Variants in GGT1 observed in about 807,000 individuals in gnomAD.
GGT1 encodes gamma-glutamyltransferase 1.
Under a neutral mutation model 56.0 loss-of-function variants are expected in GGT1, and 21 were observed. The ratio of observed to expected loss-of-function variants is 0.38; its 90% CI spans 0.27 to 0.54. The LOEUF (loss-of-function observed/expected upper bound fraction) is 0.54. Among genes scored for constraint, GGT1 ranks in the 20% least tolerant of loss-of-function variants. The pLI is 0.82. For synonymous variants in GGT1, 238 were observed against 342.6 expected (o/e 0.69, Z 3.37); for missense variants, 466 against 787.0 (o/e 0.59, Z 4.88).
the GGT1 span, chr22:24,589,730 G>A: frequency 7.1e-7 from 1 of 1,409,868 alleles, no homozygotes; most frequent in Non-Finnish European, 9.4e-7. Flanking sequence ...AGCCGCAGAA[G>A]GACCTAGCCT....
At chr22:24,617,938 A>G (rs976389861) in intron 7 of GGT1, among the ~76,000 whole-genome samples, 4 of 152,034 alleles carry the variant, frequency 2.6e-5, no homozygotes, top group African/African-American at 9.7e-5. Context: ...ATGCAGGGGC[A>G]GCTCTCAGGG....
At chr22:24,588,071 C>T in the GGT1 span, 1 of 663,638 alleles carries the variant, frequency 1.5e-6, no homozygotes, top group Non-Finnish European at 2.7e-6. Context: ...GGCTGACTTC[C>T]AGGGTAGGGC....
At position 24,619,960 on chromosome 22, in the gene GGT1, A is replaced by G. The variant is rs1391611665; in HGVS notation, c.383-368A>G. ...TGCCCTCCTCAGACATCCCTGGTCC[A>G]TGTACACTCCTACCTGCTGAGCCCC... On this transcript the variant is annotated intron_variant, in intron 7 of 15. Transcript: ENST00000400382. Among the ~76,000 whole-genome samples the G allele has an allele frequency of 6.0e-5, 9 of 149,914 alleles. No homozygotes were observed. In the Admixed American group the frequency reaches 6.0e-4, roughly 10 times the overall value.
At chr22:24,590,878 G>A (rs1045252482), upstream of GGT1, among the ~76,000 whole-genome samples, 7 of 152,070 alleles carry the variant, frequency 4.6e-5, no homozygotes, top group Non-Finnish European at 7.4e-5. Context: ...GCACTCTTCC[G>A]TCCTCCTCTC....
At position 24,627,937 on chromosome 22, in the gene GGT1, G is replaced by T. The variant is rs373393964; in HGVS notation, c.1294G>T (p.Glu432Ter). The T allele has an allele frequency of 1.2e-6, 2 of 1,613,354 alleles. No individual in the cohort carries two copies. Among genetic ancestry groups the T allele is most frequent in the Non-Finnish European group, 1.7e-6 (2 of 1,179,664 alleles). Residue 432 changes from glutamate to a stop codon, truncating the protein, a stop_gained, in exon 13 of 16, where the codon GAG becomes TAG. Coordinates refer to ENST00000400382, the MANE Select transcript of GGT1 (RefSeq NM_001288833.2). LOFTEE classifies it high-confidence loss of function. ...CTTCAGCTCTCCCAGCATCACCAAC[G>T]AGTTTGGGGTACCCCCCTCACCTGC... is the stretch of plus-strand genomic sequence containing the variant. ...DDFSSPSITN[E>*]FGVPPSPANF...
chr22:24,605,082 A>T (rs1270305609), intron 1 of GGT1, among the ~76,000 whole-genome samples: 2 of 24,122 alleles, frequency 8.3e-5, no homozygotes, highest in Admixed American at 6.3e-4. Flanking sequence ...TAATATATAA[A>T]GTATATTATA....
chr22:24,593,780 C>CT (rs1284973044), upstream of GGT1, among the ~76,000 whole-genome samples: 1 of 148,490 alleles, frequency 6.7e-6, no homozygotes, highest in Non-Finnish European at 1.5e-5. Flanking sequence ...GAGCAAAACT[C>CT]TGTCTCAAAA....
rs375956048 is a variant in GGT1 at position 24,615,110 on chromosome 22, C to T, written c.365C>T (p.Ser122Leu). The T allele has an allele frequency of 4.3e-6, 7 of 1,611,494 alleles. No homozygotes were observed. The highest frequency in any genetic ancestry group is 2.2e-5 in the South Asian group (2 of 90,972). ...RLAFATMFNS[S>L]EQSQKGGLSV... is the part of the protein sequence containing the mutation. ...GCCTTTGCCACCATGTTCAACAGCT[C>T]GGAGCAGTCCCAGAAGGGTAAGCCA... The change falls in exon 7 of 16, where the codon TCG becomes TTG. Residue 122 changes from serine to leucine, a missense_variant. Ser to Leu is a moderately radical substitution (Grantham distance 145). Coordinates refer to ENST00000400382, the MANE Select transcript of GGT1 (RefSeq NM_001288833.2).
the GGT1 span, chr22:24,586,390 C>A: frequency 6.2e-7 from 1 of 1,612,832 alleles, no homozygotes; most frequent in Non-Finnish European, 8.5e-7. Flanking sequence ...CCAGCAGAGT[C>A]TTCTGGAGGC....
chr22:24,622,629 T>A (rs1440494876), intron 9 of GGT1, among the ~76,000 whole-genome samples: 1 of 151,932 alleles, frequency 6.6e-6, no homozygotes, highest in Non-Finnish European at 1.5e-5. Flanking sequence ...TAGTTGTGCC[T>A]TTAGTCTCAG....
At chr22:24,596,192 ATG>A (rs2045689062) in intron 1 of GGT1, among the ~76,000 whole-genome samples, 1 of 152,204 alleles carries the variant, frequency 6.6e-6, no homozygotes, top group South Asian at 2.1e-4. Flanking sequence ...CACTTGTTGG[ATG>A]TGTAACCATA....
At chr22:24,618,177 T>C (rs1011648275) in intron 7 of GGT1, among the ~76,000 whole-genome samples, 3 of 152,208 alleles carry the variant, frequency 2.0e-5, no homozygotes, top group Non-Finnish European at 4.4e-5. Flanking sequence ...GGAGTCTCCG[T>C]CACCTTGAAT....
intron 9 of GGT1, among the ~76,000 whole-genome samples, chr22:24,622,282 C>T (rs138477909): frequency 4.6e-5 from 7 of 151,510 alleles, no homozygotes; most frequent in Admixed American, 6.6e-5. Flanking sequence ...TAGCAAAACC[C>T]GGCCGGGCAT....
intron 5 of GGT1, among the ~76,000 whole-genome samples, chr22:24,611,838 G>A (rs568015234): frequency 7.8e-5 from 10 of 128,230 alleles, no homozygotes; most frequent in African/African-American, 1.7e-4. Flanking sequence ...ACAGAGTATC[G>A]CTCTGTTACC....
upstream of GGT1, among the ~76,000 whole-genome samples, chr22:24,591,123 G>T (rs920247837): frequency 6.6e-6 from 1 of 152,190 alleles, no homozygotes; most frequent in Non-Finnish European, 1.5e-5. Context: ...CTTGTTGCCC[G>T]GGCTGGGGCG....
chr22:24,593,446 T>C (rs7287904), upstream of GGT1, among the ~76,000 whole-genome samples: 4,400 of 152,138 alleles, frequency 0.029, 198 homozygotes, highest in African/African-American at 0.099. Flanking sequence ...ATTGCCCCCA[T>C]TGCTTTTAGA....
chr22:24,622,038 T>C (rs1369551866), intron 9 of GGT1, among the ~76,000 whole-genome samples: 3 of 124,126 alleles, frequency 2.4e-5, no homozygotes, highest in South Asian at 4.8e-4. Context: ...AGATTCCATC[T>C]CAAAAAAAAA....
At position 24,607,620 on chromosome 22, in the gene GGT1, C is replaced by T. The variant is rs2077120; in HGVS notation, c.-428-334C>T. The T allele has an allele frequency of 2.1e-3, 328 of 159,654 alleles. 8 individuals are homozygous for T. In the East Asian group the frequency reaches 0.048, roughly 23 times the overall value. 9.9% of individuals were successfully genotyped at this position (159,654 alleles called of 1,614,324 possible). A position where few individuals can be genotyped will look rare whatever the true frequency, so the allele number is the denominator to read the frequency against. Reference sequence around the variant, plus strand: ...CTGCTGTGACGTCAGCTTCCCCATCCTCCCAGCCAGGCTGGACCTCCGTGA... The same window carrying T: ...CTGCTGTGACGTCAGCTTCCCCATCTTCCCAGCCAGGCTGGACCTCCGTGA... On this transcript the variant is annotated intron_variant, in intron 1 of 15. Transcript: ENST00000400382.
the GGT1 span, among the ~76,000 whole-genome samples, chr22:24,587,390 C>T: frequency 8.5e-5 from 13 of 152,176 alleles, no homozygotes; most frequent in African/African-American, 3.1e-4. Context: ...TGAACAGAGC[C>T]CACTAGGCAG....
Sources: allele counts gnomAD v4.1 joint callset (sites outside exome capture counted in the v4.1 genomes callset), GRCh38; gene constraint gnomAD v4.1.1; transcripts MANE v1.5; gene names NCBI Gene and HGNC (gene_info 2026-07-23, HGNC 2026-07-21).